ZNF438: variants seen among roughly 807,000 people sequenced by gnomAD.
ZNF438 encodes the protein zinc finger protein 438.
ZNF438 carries 25 observed loss-of-function variants against 38.0 expected under a neutral mutation model. The observed-to-expected ratio is 0.66, with a 90% CI of 0.48 to 0.92. The LOEUF is 0.92. Among genes scored for constraint, ZNF438 ranks in the 40% least tolerant of loss-of-function variants. The pLI, the probability that ZNF438 is intolerant of heterozygous loss-of-function variation, is 0.00. For synonymous variants in ZNF438, 372 were observed against 364.1 expected (o/e 1.02, Z -0.25); for missense variants, 1,007 against 999.6 (o/e 1.01, Z -0.10).
At chr10:30,996,983 C>T (rs1435358145) in intron 1 of ZNF438, among the ~76,000 whole-genome samples, 2 of 151,878 alleles carry the variant, frequency 1.3e-5, no homozygotes, top group Non-Finnish European at 2.9e-5. Flanking sequence ...TAGAAAATAC[C>T]TTGAGATTAG....
intron 1 of ZNF438, among the ~76,000 whole-genome samples, chr10:30,969,060 T>C (rs1039697718): frequency 7.9e-5 from 12 of 152,104 alleles, no homozygotes; most frequent in Admixed American, 3.3e-4. Context: ...ATTTAAAATA[T>C]GGAATGGAAT....
At chr10:30,992,701 C>CAGG (rs1291786674) in intron 1 of ZNF438, among the ~76,000 whole-genome samples, 3 of 152,226 alleles carry the variant, frequency 2.0e-5, no homozygotes, top group African/African-American at 7.2e-5. Flanking sequence ...GCGTGAGCCA[C>CAGG]CGTGCCCAGC....
At chr10:30,871,076 G>A (rs964859129) in intron 4 of ZNF438, among the ~76,000 whole-genome samples, 2 of 152,154 alleles carry the variant, frequency 1.3e-5, no homozygotes, top group African/African-American at 2.4e-5. Context: ...TACCATGTTC[G>A]AAAGAGTGAA....
chr10:30,950,242 C>A (rs2048003008), intron 1 of ZNF438, among the ~76,000 whole-genome samples: 1 of 151,930 alleles, frequency 6.6e-6, no homozygotes, highest in African/African-American at 2.4e-5. Flanking sequence ...GGGACGCATT[C>A]AAAGCAGCGT....
intron 1 of ZNF438, among the ~76,000 whole-genome samples, chr10:31,016,911 T>C (rs920076837): frequency 1.3e-5 from 2 of 152,214 alleles, no homozygotes; most frequent in African/African-American, 4.8e-5. Context: ...AAGGGATAAC[T>C]TGAAGTCTCA....
rs550029262 is a variant in ZNF438 at position 30,886,270 on chromosome 10, G to A, written c.-31-9205C>T. Among the ~76,000 whole-genome samples, 215 of 152,270 alleles carry A rather than the reference G, an allele frequency of 1.4e-3. 1 individual carries two copies. The highest frequency in any genetic ancestry group is 5.0e-3 in the African/African-American group (208 of 41,570). On this transcript the variant is annotated intron_variant, in intron 3 of 5. Coordinates refer to ENST00000413025, the Ensembl canonical transcript of ZNF438. ...AACATGAAAATGGTTATGACATATG[G>A]AAGAAAAATAGGAACTGCCTGGATG... is the stretch of plus-strand genomic sequence containing the variant.
chr10:30,981,132 G>T (rs2052082701), intron 1 of ZNF438, among the ~76,000 whole-genome samples: 1 of 152,162 alleles, frequency 6.6e-6, no homozygotes, highest in African/African-American at 2.4e-5. Flanking sequence ...GCTGCCAAAA[G>T]TTCTTGGCAT....
intron 4 of ZNF438, among the ~76,000 whole-genome samples, chr10:30,870,094 G>A (rs371056743): frequency 7.9e-5 from 12 of 152,094 alleles, no homozygotes; most frequent in Non-Finnish European, 1.5e-4. Context: ...TGAGAAAAAC[G>A]TCATAAAAAA....
chr10:30,930,652 C>A (rs374300167), intron 2 of ZNF438, among the ~76,000 whole-genome samples: 5 of 151,318 alleles, frequency 3.3e-5, no homozygotes, highest in Non-Finnish European at 7.4e-5. Flanking sequence ...CACACACACA[C>A]AAAAATTAGC....
At chr10:31,032,073 C>G (rs1447265408), upstream of ZNF438, 1 of 152,268 alleles carries the variant, frequency 6.6e-6, no homozygotes, top group African/African-American at 2.4e-5. Context: ...CTTCGCCGAC[C>G]GGGGCGCCTG....
At chr10:30,874,132 A>G (rs769476509) in intron 4 of ZNF438, among the ~76,000 whole-genome samples, 27 of 23,070 alleles carry the variant, frequency 1.2e-3, no homozygotes, top group African/African-American at 4.8e-3. Context: ...ATATATATAT[A>G]TATATATATA....
chr10:30,915,027 A>G (rs2043457993), intron 2 of ZNF438, among the ~76,000 whole-genome samples: 1 of 152,056 alleles, frequency 6.6e-6, no homozygotes, highest in Non-Finnish European at 1.5e-5. Context: ...GGAACTTTAA[A>G]CCTACAATTC....
intron 4 of ZNF438, among the ~76,000 whole-genome samples, chr10:30,854,851 G>T (rs865962891): frequency 6.6e-6 from 1 of 152,300 alleles, no homozygotes; most frequent in Non-Finnish European, 1.5e-5. Context: ...GGCAGAGCAT[G>T]GTAATGTCAA....
At chr10:30,939,887 G>A in intron 2 of ZNF438, among the ~76,000 whole-genome samples, 1 of 152,180 alleles carries the variant, frequency 6.6e-6, no homozygotes, top group East Asian at 1.9e-4. Context: ...AATAGTCTTG[G>A]GAGGGCTGGC....
At chr10:30,863,053 G>C (rs1303821477) in intron 4 of ZNF438, among the ~76,000 whole-genome samples, 8 of 151,882 alleles carry the variant, frequency 5.3e-5, no homozygotes, top group African/African-American at 1.9e-4. Context: ...ACATTTTTTT[G>C]CTGCACGTTT....
chr10:30,990,504 G>A (rs1374918764), intron 1 of ZNF438, among the ~76,000 whole-genome samples: 1 of 152,142 alleles, frequency 6.6e-6, no homozygotes, highest in Non-Finnish European at 1.5e-5. Context: ...TGAATCAGAA[G>A]GTTTGGGCAT....
intron 1 of ZNF438, among the ~76,000 whole-genome samples, chr10:30,980,033 A>G (rs1201436865): frequency 1.3e-5 from 2 of 152,160 alleles, no homozygotes; most frequent in African/African-American, 4.8e-5. Context: ...GGGGTGTGGG[A>G]TCACGGAACC....
chr10:30,935,916 C>T (rs1043418310), intron 2 of ZNF438, among the ~76,000 whole-genome samples: 1 of 150,640 alleles, frequency 6.6e-6, no homozygotes, highest in Non-Finnish European at 1.5e-5. Flanking sequence ...TCTCCTTAGA[C>T]ATGTGGAAAT....
At chr10:31,031,749 C>T (rs1041313965) in intron 1 of ZNF438, 84 bp downstream of exon 1, 1 of 154,276 alleles carries the variant, frequency 6.5e-6, no homozygotes, top group African/African-American at 2.4e-5. Flanking sequence ...ACTGACGCCC[C>T]CAGAGCCACC....
Sources: gnomAD v4.1 joint callset for allele counts (sites outside exome capture counted in the v4.1 genomes callset) on GRCh38, gnomAD v4.1.1 for gene constraint, MANE v1.5 for transcripts, NCBI Gene and HGNC (gene_info 2026-07-23, HGNC 2026-07-21) for gene names.